The following NPC1 variants were observed in gnomAD, a reference collection of about 807,000 sequenced individuals.
NPC1 encodes NPC intracellular cholesterol transporter 1.
A neutral mutation model predicts 140.4 loss-of-function variants in NPC1; 85 were observed. The ratio of observed to expected loss-of-function variants is 0.61; its 90% CI spans 0.51 to 0.72. NPC1 has a LOEUF of 0.72. NPC1 is among the 30% of genes least tolerant of loss of function. NPC1 has a pLI of 0.00. For missense variants in NPC1, 1,504 were observed against 1,623.8 expected, an observed-to-expected ratio of 0.93 and a Z score of 1.27; for synonymous variants, 656 against 624.8, an observed-to-expected ratio of 1.05 and a Z score of -0.74.
At chr18:23,524,026 C>A in intron 1 of NPC1, 3 of 1,254,404 alleles carry the variant, frequency 2.4e-6, no homozygotes, top group South Asian at 1.2e-5. Context: ...ATTGAATAAA[C>A]ATTTCGTAAT....
chr18:23,509,207 C>T, intron 3 of NPC1: 2 of 1,406,146 alleles, frequency 1.4e-6, no homozygotes, highest in African/African-American at 1.5e-5. Flanking sequence ...AGAATGCCAA[C>T]ATTCTAGGAT....
chr18:23,561,291 G>T, intron 5 of NPC1, 69 bp downstream of exon 5: 1 of 1,540,850 alleles, frequency 6.5e-7, no homozygotes, highest in Non-Finnish European at 9.0e-7. Flanking sequence ...GTGAGCCACT[G>T]TGCCCAGCCA....
chr18:23,534,373 A>G, intron 23 of NPC1, 73 bp downstream of exon 23: 1 of 1,023,628 alleles, frequency 9.8e-7, no homozygotes, highest in South Asian at 1.3e-5. Flanking sequence ...TACAGGATCC[A>G]GACTCTTCAG....
At chr18:23,516,147 C>T in intron 3 of NPC1, 1 of 1,346,070 alleles carries the variant, frequency 7.4e-7, no homozygotes, top group South Asian at 1.3e-5. Flanking sequence ...TACCCGTCAG[C>T]TCCTGGAGCC....
intron 24 of NPC1, 75 bp downstream of exon 24, chr18:23,533,275 TGAAAA>T (rs372790450): frequency 3.4e-5 from 47 of 1,375,078 alleles, no homozygotes; most frequent in Non-Finnish European, 4.0e-5. Flanking sequence ...TTCAAATACT[TGAAAA>T]GAATGCCTCA....
At chr18:23,569,071 C>CAA in intron 3 of NPC1, 73 bp from the exon 4 acceptor site, 2 of 1,043,224 alleles carry the variant, frequency 1.9e-6, no homozygotes, top group Non-Finnish European at 2.9e-6. Context: ...TTTAAATAGA[C>CAA]AAAGAATATT....
At chr18:23,524,305 C>A (rs2058230564), downstream of NPC1, 11 of 1,481,192 alleles carry the variant, frequency 7.4e-6, no homozygotes, top group Admixed American at 1.0e-4. Flanking sequence ...GCTTCCCTGA[C>A]TGTCCAGGGG....
intron 6 of NPC1, among the ~76,000 whole-genome samples, chr18:23,559,430 T>TA (rs549412351): frequency 4.0e-5 from 6 of 149,560 alleles, no homozygotes; most frequent in Non-Finnish European, 8.9e-5. Flanking sequence ...TGCAAATATC[T>TA]AAAAGGACTA....
chr18:23,544,944 C>CCAA lies in NPC1; in HGVS notation c.1947+15_1947+16insTTG, dbSNP rs72283949. On this transcript the variant is annotated intron_variant, in intron 12 of 24. Transcript: ENST00000269228. The stretch of plus-strand genomic sequence containing the variant: ...CTGTTAACCTCTAGAACATACACCA[C>CCAA]CCCCCCCCGGCTTACCAGAAGCCTG... 9.4e-6 allele frequency: 8 copies of CCAA among 850,758 alleles called. No individual in the cohort carries two copies. Among genetic ancestry groups the CCAA allele is most frequent in the Non-Finnish European group, 1.3e-5 (8 of 594,216 alleles). 52.7% of individuals were successfully genotyped at this position (850,758 alleles called of 1,614,324 possible). A position where few individuals can be genotyped will look rare whatever the true frequency, so the allele number is the denominator to read the frequency against.
At chr18:23,516,362 C>T in intron 3 of NPC1, 5 of 1,614,244 alleles carry the variant, frequency 3.1e-6, no homozygotes, top group South Asian at 1.1e-5. Flanking sequence ...GATTGAATTA[C>T]CAGCTGCGCC....
Position 23,554,980 on chromosome 18 carries a change from A to G in NPC1, c.1331T>C (p.Leu444Pro). The change falls in exon 9 of 25, where the codon CTT becomes CCT. Residue 444 changes from leucine to proline, a missense_variant. By Grantham distance (98) the Leu-to-Pro change is moderately conservative. Coordinates refer to ENST00000269228, the MANE Select transcript of NPC1 (RefSeq NM_000271.5). The stretch of plus-strand genomic sequence containing the variant: ...GTTTTCGATGGCTATTTGTAAGTCA[A>G]GAACCTGAAAGAAGATTTTAAAAAT... Reference protein sequence around the residue: ...PLDIQILHQVLDLQIAIENIT... With the variant: ...PLDIQILHQVPDLQIAIENIT... The G allele has an allele frequency of 6.2e-7, 1 of 1,601,106 alleles. No individual in the cohort carries two copies. Among genetic ancestry groups the G allele is most frequent in the East Asian group, 2.2e-5 (1 of 44,812 alleles).
intron 14 of NPC1, 112 bp downstream of exon 14, chr18:23,543,343 A>G: frequency 1.1e-5 from 8 of 703,790 alleles, no homozygotes; most frequent in Non-Finnish European, 9.9e-6. Flanking sequence ...AAAAAAAAAA[A>G]AAAGAAAAAA....
At chr18:23,533,119 G>A (rs1349317731) in intron 24 of NPC1, 8 of 612,262 alleles carry the variant, frequency 1.3e-5, no homozygotes, top group African/African-American at 5.6e-5. Flanking sequence ...TTGTGAAGCA[G>A]ACAGATCAGG....
At chr18:23,560,581 C>A in intron 5 of NPC1, 101 bp from the exon 6 acceptor site, 1 of 1,201,630 alleles carries the variant, frequency 8.3e-7, no homozygotes, top group Non-Finnish European at 1.2e-6. Context: ...ATACATAAAA[C>A]AACTGAAAGA....
At chr18:23,543,432 G>T in intron 14 of NPC1, 23 bp downstream of exon 14, 1 of 1,336,310 alleles carries the variant, frequency 7.5e-7, no homozygotes, top group Non-Finnish European at 1.1e-6. Context: ...CTACAGGACT[G>T]GTAGGATTGA....
At chr18:23,527,770 G>T (rs779244233), downstream of NPC1, 25 of 1,586,812 alleles carry the variant, frequency 1.6e-5, no homozygotes, top group Admixed American at 5.0e-5. Flanking sequence ...GGTTTGATCC[G>T]TGTGTGAACA....
chr18:23,511,797 A>G lies in NPC1; in HGVS notation c.432-5155T>C, dbSNP rs1465379893. ...GCTGGTTTTCCATTTTTTTGTGATT[A>G]CAAATAACCCTTCAGTAACATGCTT... On this transcript the variant is annotated intron_variant, in intron 3 of 3. Transcript: ENST00000591107. Among the ~76,000 whole-genome samples the G allele has an allele frequency of 9.2e-5, 14 of 152,102 alleles. No individual in the cohort carries two copies. In the East Asian group the frequency reaches 2.7e-3, roughly 29 times the overall value.
chr18:23,508,150 C>T (rs1274494777), intron 3 of NPC1: 1 of 983,414 alleles, frequency 1.0e-6, no homozygotes, highest in African/African-American at 1.7e-5. Context: ...TGAAGTCAGA[C>T]TGTCCCTCAT....
chr18:23,548,910 C>T (rs2058827961), intron 10 of NPC1, among the ~76,000 whole-genome samples: 1 of 152,074 alleles, frequency 6.6e-6, no homozygotes. Flanking sequence ...CCTGCCTCAG[C>T]CTCCCAGTAG....
Sources: gnomAD v4.1 joint callset for allele counts (sites outside exome capture counted in the v4.1 genomes callset) on GRCh38, gnomAD v4.1.1 for gene constraint, MANE v1.5 for transcripts, NCBI Gene and HGNC (gene_info 2026-07-23, HGNC 2026-07-21) for gene names.